FGGY: variants seen among roughly 807,000 people sequenced by gnomAD.
FGGY encodes the protein FGGY carbohydrate kinase domain containing.
Under a neutral mutation model 71.3 loss-of-function variants are expected in FGGY, and 72 were observed. The observed-to-expected ratio is 1.01, with a 90% CI of 0.84 to 1.23. The LOEUF (loss-of-function observed/expected upper bound fraction) is 1.23. Ranked by LOEUF, FGGY falls within the 50% of genes most tolerant of loss-of-function variation. The pLI, the probability that FGGY is intolerant of heterozygous loss-of-function variation, is 0.00. For missense variants in FGGY, 668 were observed against 682.3 expected (o/e 0.98, Z 0.23); for synonymous variants, 251 against 250.3 (o/e 1.00, Z -0.02).
intron 8 of FGGY, among the ~76,000 whole-genome samples, chr1:59,587,919 C>T (rs1307545449): frequency 1.3e-5 from 2 of 152,218 alleles, no homozygotes; most frequent in African/African-American, 4.8e-5. Context: ...CGCAGTTCCT[C>T]ACCAGCAATG....
At chr1:59,511,096 G>T (rs72915690) in intron 6 of FGGY, among the ~76,000 whole-genome samples, 2,821 of 152,272 alleles carry the variant, frequency 0.019, 98 homozygotes, top group African/African-American at 0.065. Context: ...AGAGGTTTCA[G>T]TCTTACTCTT....
chr1:59,747,425 C>A (rs79995495), intron 14 of FGGY, among the ~76,000 whole-genome samples: 6,543 of 152,236 alleles, frequency 0.043, 251 homozygotes, highest in East Asian at 0.13. Flanking sequence ...ATGAAACTTT[C>A]CCTTGCTAGG....
At chr1:59,381,520 A>G (rs966211333) in intron 5 of FGGY, among the ~76,000 whole-genome samples, 2 of 152,134 alleles carry the variant, frequency 1.3e-5, no homozygotes, top group Non-Finnish European at 2.9e-5. Flanking sequence ...AGGATCATCA[A>G]GATGTCACTA....
At chr1:59,399,338 T>C (rs1359340293) in intron 5 of FGGY, among the ~76,000 whole-genome samples, 1 of 152,222 alleles carries the variant, frequency 6.6e-6, no homozygotes, top group African/African-American at 2.4e-5. Context: ...AATACTTATA[T>C]GTCAGGCATT....
At chr1:59,452,410 T>G (rs74084840) in intron 5 of FGGY, among the ~76,000 whole-genome samples, 2,169 of 152,290 alleles carry the variant, frequency 0.014, 38 homozygotes, top group African/African-American at 0.049. Flanking sequence ...CTGTGGAAAT[T>G]TTAAACGTAA....
chr1:59,345,770 T>G (rs2051745161), intron 3 of FGGY, among the ~76,000 whole-genome samples: 4 of 151,336 alleles, frequency 2.6e-5, no homozygotes. Context: ...CCAGAAAAAG[T>G]GGGAATATAA....
At chr1:59,484,314 C>A (rs1467626284) in intron 6 of FGGY, among the ~76,000 whole-genome samples, 1 of 152,118 alleles carries the variant, frequency 6.6e-6, no homozygotes, top group African/African-American at 2.4e-5. Flanking sequence ...CTGAACAGGG[C>A]CAGATCCGAT....
At chr1:59,515,958 C>A (rs2094636201) in intron 7 of FGGY, among the ~76,000 whole-genome samples, 1 of 152,070 alleles carries the variant, frequency 6.6e-6, no homozygotes, top group South Asian at 2.1e-4. Context: ...GAATAAGAAT[C>A]TTGGATTCTT....
chr1:59,725,306 T>C (rs1208583196), intron 14 of FGGY, among the ~76,000 whole-genome samples: 2 of 152,212 alleles, frequency 1.3e-5, no homozygotes, highest in Admixed American at 1.3e-4. Flanking sequence ...ATTTCTGGAT[T>C]CTCTCCTTGG....
chr1:59,689,789 AT>A, intron 14 of FGGY, among the ~76,000 whole-genome samples: 1 of 152,184 alleles, frequency 6.6e-6, no homozygotes, highest in Middle Eastern at 3.2e-3. Flanking sequence ...ACATTTGAGA[AT>A]TTCAGGATGG....
chr1:59,513,809 T>C (rs538792834), intron 7 of FGGY, among the ~76,000 whole-genome samples: 2 of 152,320 alleles, frequency 1.3e-5, no homozygotes, highest in South Asian at 4.1e-4. Context: ...AGAGTGAAGA[T>C]TAATCTGTTT....
chr1:59,688,603 T>C (rs919609060), intron 14 of FGGY, among the ~76,000 whole-genome samples: 1 of 152,144 alleles, frequency 6.6e-6, no homozygotes, highest in African/African-American at 2.4e-5. Context: ...ATCAAAAAAG[T>C]AAAGGAATTT....
chr1:59,628,077 G>A (rs1006790750), intron 10 of FGGY, among the ~76,000 whole-genome samples: 1 of 152,104 alleles, frequency 6.6e-6, no homozygotes. Context: ...AGTAAAAGTG[G>A]GAAGCAGGAT....
intron 5 of FGGY, among the ~76,000 whole-genome samples, chr1:59,441,095 C>T (rs558046549): frequency 3.8e-4 from 58 of 152,232 alleles, no homozygotes; most frequent in African/African-American, 1.3e-3. Context: ...TATGTACCCA[C>T]ATTTAAAACT....
intron 6 of FGGY, among the ~76,000 whole-genome samples, chr1:59,482,250 T>A (rs139438576): frequency 2.6e-5 from 4 of 152,172 alleles, no homozygotes; most frequent in Admixed American, 1.3e-4. Flanking sequence ...GAGTCCTCTT[T>A]TAGTGGCTTA....
chr1:59,329,175 G>A (rs1474163314), intron 2 of FGGY, among the ~76,000 whole-genome samples: 3 of 152,134 alleles, frequency 2.0e-5, no homozygotes, highest in East Asian at 1.9e-4. Flanking sequence ...CTCAAACTGC[G>A]GTTTTAGTTC....
At chr1:59,425,563 A>G (rs980679730) in intron 5 of FGGY, among the ~76,000 whole-genome samples, 1 of 152,144 alleles carries the variant, frequency 6.6e-6, no homozygotes, top group Non-Finnish European at 1.5e-5. Flanking sequence ...GACAAACCGC[A>G]TTGCCTGGCT....
chr1:59,385,153 C>T (rs1203844723), intron 5 of FGGY, among the ~76,000 whole-genome samples: 1 of 152,092 alleles, frequency 6.6e-6, no homozygotes, highest in South Asian at 2.1e-4. Flanking sequence ...TTTCTCTCTT[C>T]CTTCTCCATT....
chr1:59,313,288 C>T (rs1467554135), intron 1 of FGGY, among the ~76,000 whole-genome samples: 1 of 152,146 alleles, frequency 6.6e-6, no homozygotes, highest in Non-Finnish European at 1.5e-5. Flanking sequence ...TCAACACATA[C>T]ATTTTTGGAG....
Sources: allele counts gnomAD v4.1 joint callset (sites outside exome capture counted in the v4.1 genomes callset), GRCh38; gene constraint gnomAD v4.1.1; transcripts MANE v1.5; gene names NCBI Gene and HGNC (gene_info 2026-07-23, HGNC 2026-07-21).